Variants in DOCK6 observed in about 807,000 individuals in gnomAD.
DOCK6 encodes the protein dedicator of cytokinesis 6, also known as dedicator of cytokinesis protein 6.
DOCK6 carries 167 observed loss-of-function variants against 230.3 expected under a neutral mutation model. The ratio of observed to expected loss-of-function variants is 0.73; its 90% confidence interval spans 0.64 to 0.82. The LOEUF (loss-of-function observed/expected upper bound fraction) is 0.82. Ranked by LOEUF, DOCK6 falls within the 40% of genes least tolerant of loss-of-function variation. The pLI is 0.00. For synonymous variants in DOCK6, 1,148 were observed against 1,185.0 expected (o/e 0.97, Z 0.64); for missense variants, 2,598 against 2,825.8 (o/e 0.92, Z 1.83).
At chr19:11,199,672 C>T in intron 47 of DOCK6, 133 bp from the exon 48 acceptor site, 1 of 975,392 alleles carries the variant, frequency 1.0e-6, no homozygotes, top group South Asian at 1.4e-5. Context: ...TGTCCCTGAT[C>T]TGGCTGTGGG....
At position 11,243,642 on chromosome 19, in the gene DOCK6, G is replaced by A. The variant is rs1243017735; in HGVS notation, c.1173C>T (p.Arg391=). The change falls in exon 11 of 48, where the codon CGC becomes CGT. Residue 391 remains arginine, a synonymous_variant. Coordinates refer to ENST00000294618, the MANE Select transcript of DOCK6 (RefSeq NM_020812.4). This position sits in a 1 kb window ranked among gnomAD's most constrained non-coding sequence, Gnocchi z 6.3. ...EQFCTRLGRY[R]MPFAWTAVHL... is the part of the protein sequence containing the mutation. ...GCACGGCCGTCCAGGCGAAGGGCAT[G>A]CGGTAGCGGCCCAGGCGGGTGCAGA... The A allele has an allele frequency of 6.2e-7, 1 of 1,612,850 alleles. No homozygotes were observed. The highest frequency in any genetic ancestry group is 1.1e-5 in the South Asian group (1 of 91,002).
At chr19:11,228,203 G>C (rs955849225) in intron 23 of DOCK6, among the ~76,000 whole-genome samples, 1 of 152,012 alleles carries the variant, frequency 6.6e-6, no homozygotes, top group African/African-American at 2.4e-5. Context: ...TAGAGATGGG[G>C]TTTCACCATG....
At chr19:11,229,721 T>G (rs1807543416) in intron 22 of DOCK6, among the ~76,000 whole-genome samples, 1 of 151,628 alleles carries the variant, frequency 6.6e-6, no homozygotes, top group Non-Finnish European at 1.5e-5. Context: ...TGTGTGGGTA[T>G]GGGAGAAGAA....
rs111230002 is a variant in DOCK6, at chr19:11,209,195, C to A, written c.4752-92G>T. On this transcript the variant is annotated intron_variant, in intron 37 of 47. Transcript: ENST00000294618. Reference sequence around the variant, plus strand: ...TGTCCATTCTCTTCACTGGTTACCCCCATGTCCGCCCCAAGGACCAGCCAA... The same window carrying A: ...TGTCCATTCTCTTCACTGGTTACCCACATGTCCGCCCCAAGGACCAGCCAA... The A allele has an allele frequency of 1.6e-4, 234 of 1,442,174 alleles. No individual in the cohort carries two copies. In the African/African-American group the frequency reaches 2.7e-3, roughly 17 times the overall value. The allele number at this position is 1,442,174 out of a possible 1,614,324, so 89.3% of individuals were successfully genotyped here.
At chr19:11,231,964 C>T (rs1462037970) in intron 22 of DOCK6, among the ~76,000 whole-genome samples, 1 of 152,196 alleles carries the variant, frequency 6.6e-6, no homozygotes, top group Non-Finnish European at 1.5e-5. Context: ...CCTGTGCCTT[C>T]TGTCTCCATC....
rs544288036 is a variant in DOCK6 at position 11,201,521 on chromosome 19, T to A, written c.5688+368A>T. 1.3e-5 allele frequency among the ~76,000 whole-genome samples: 2 copies of A among 151,670 alleles called. No homozygotes were observed. Among genetic ancestry groups the A allele is most frequent in the African/African-American group, 4.9e-5 (2 of 41,236 alleles). On this transcript the variant is annotated intron_variant, in intron 44 of 47. Transcript: ENST00000294618. This position sits in a 1 kb window ranked among gnomAD's most constrained non-coding sequence, Gnocchi z 4.3. Reference sequence around the variant, plus strand: ...GGAGGTAGAGGTTTCAGTTTAGAGATTGGAATGCAGGGTCTCCATATCTTC... The same window carrying A: ...GGAGGTAGAGGTTTCAGTTTAGAGAATGGAATGCAGGGTCTCCATATCTTC...
In DOCK6 at chr19:11,243,317, C is replaced by T. The variant is rs1023542321; in HGVS notation, c.1327G>A (p.Ala443Thr). Reference sequence around the variant, plus strand: ...GGACGGAAGCCAGAGAAGCTGCAGGCGTCGTCCCCACTACTCGCCCGGTCC... The same window carrying T: ...GGACGGAAGCCAGAGAAGCTGCAGGTGTCGTCCCCACTACTCGCCCGGTCC... Reference protein sequence around the residue: ...PQDRASSGDDACSFSGFRPAT... With the variant: ...PQDRASSGDDTCSFSGFRPAT... Residue 443 changes from alanine to threonine, a missense_variant, in exon 12 of 48, where the codon GCC (alanine) becomes ACC (threonine). Ala to Thr is a moderately conservative substitution (Grantham distance 58). Transcript: ENST00000294618. The surrounding 1 kb of genome is among the most constrained non-coding windows in gnomAD (Gnocchi z 6.3). The T allele has an allele frequency of 8.1e-6, 13 of 1,600,828 alleles. No individual in the cohort carries two copies. The highest frequency in any genetic ancestry group is 1.7e-4 in the Middle Eastern group (1 of 6,048).
chr19:11,207,718 A>C (rs2079284928), intron 39 of DOCK6, among the ~76,000 whole-genome samples: 1 of 151,874 alleles, frequency 6.6e-6, no homozygotes, highest in Non-Finnish European at 1.5e-5. Context: ...ACTTGAGCTC[A>C]GGAGTTCAAG....
chr19:11,213,055 C>G (rs1312953487), intron 35 of DOCK6, 121 bp downstream of exon 35: 2 of 1,333,000 alleles, frequency 1.5e-6, no homozygotes, highest in Non-Finnish European at 2.0e-6. Context: ...ATTCTGAGCC[C>G]TCCTCCTGCT....
At chr19:11,205,370 A>AT (rs913815037) in intron 39 of DOCK6, among the ~76,000 whole-genome samples, 173 of 146,444 alleles carry the variant, frequency 1.2e-3, no homozygotes, top group Non-Finnish European at 1.4e-3. Context: ...CCACCCGTGT[A>AT]TTTTTTTTTT....
intron 9 of DOCK6, among the ~76,000 whole-genome samples, chr19:11,244,893 C>G (rs1395800831): frequency 6.6e-6 from 1 of 152,200 alleles, no homozygotes; most frequent in African/African-American, 2.4e-5. Flanking sequence ...TGTGCCTGGC[C>G]TTCCCTACAT....
At chr19:11,250,018 T>C (rs982293854) in intron 6 of DOCK6, among the ~76,000 whole-genome samples, 3 of 149,146 alleles carry the variant, frequency 2.0e-5, no homozygotes, top group African/African-American at 7.3e-5. Flanking sequence ...GAAGCTATCT[T>C]TTTTTTTTTT....
chr19:11,221,532 G>T, intron 28 of DOCK6: 1 of 290,092 alleles, frequency 3.4e-6, no homozygotes, highest in Non-Finnish European at 6.5e-6. Context: ...CCTACTTTTT[G>T]CTCTTCTTAG....
Position 11,209,041 on chromosome 19 carries a change from C to T in DOCK6, c.4814G>A (p.Gly1605Glu). The change falls in exon 38 of 48, where the codon GGG becomes GAG. Residue 1605 changes from glycine to glutamate, a missense_variant. Transcript: ENST00000294618. ...LRLTWLQNMAGKHAELGNHAE... is the reference protein window; with the variant it reads ...LRLTWLQNMAEKHAELGNHAE... ...GTGGTTGCCCAGCTCCGCGTGCTTC[C>T]CGGCCATGTTCTGCAACCAGGTCAG... 2 of 1,612,254 alleles carry T rather than the reference C, an allele frequency of 1.2e-6. No individual in the cohort carries two copies. Among genetic ancestry groups the T allele is most frequent in the Non-Finnish European group, 1.7e-6 (2 of 1,179,428 alleles).
At position 11,199,516 on chromosome 19, in the gene DOCK6, A is replaced by G. The variant is rs1439220581; in HGVS notation, c.6125T>C (p.Phe2042Ser). Reference sequence around the variant, plus strand: ...GTGGGCTCAGAGGTCTGCCTTTCGGAAACTTGCTCTGTTCAAGGAGTTCCT... The same window carrying G: ...GTGGGCTCAGAGGTCTGCCTTTCGGGAACTTGCTCTGTTCAAGGAGTTCCT... ...GLRNSLNRAS[F>S]RKADL Residue 2042 changes from phenylalanine to serine, a missense_variant, in exon 48 of 48, where the codon TTC (phenylalanine) becomes TCC (serine). Phe to Ser is a radical substitution (Grantham distance 155). Transcript: ENST00000294618. 6.3e-7 allele frequency: 1 copy of G among 1,584,140 alleles called. No individual in the cohort carries two copies. The highest frequency in any genetic ancestry group is 8.6e-7 in the Non-Finnish European group (1 of 1,165,166).
chr19:11,202,843 G>C lies in DOCK6; in HGVS notation c.5236-134C>G. ...AACATCAGGGCATGGGCACAGGCAG[G>C]GGGCCCTGAGAACATTGGGGCATGG... On this transcript the variant is annotated intron_variant, in intron 41 of 47. Transcript: ENST00000294618. This position sits in a 1 kb window ranked among gnomAD's most constrained non-coding sequence, Gnocchi z 5.3. The C allele has an allele frequency of 1.4e-6, 2 of 1,423,234 alleles. No individual in the cohort carries two copies. Among genetic ancestry groups the C allele is most frequent in the Non-Finnish European group, 1.9e-6 (2 of 1,029,310 alleles). 88.2% of individuals were successfully genotyped at this position (1,423,234 alleles called of 1,614,324 possible).
intron 5 of DOCK6, chr19:11,251,854 G>C (rs569904056): frequency 3.5e-5 from 17 of 490,982 alleles, no homozygotes; most frequent in African/African-American, 3.3e-4. Flanking sequence ...TAAGAACCTT[G>C]CTGTGCCTCA....
In DOCK6 at chr19:11,238,101, C is replaced by T; in HGVS notation, c.1776G>A (p.Lys592=). 6.2e-7 allele frequency: 1 copy of T among 1,613,980 alleles called. No homozygotes were observed. The highest frequency in any genetic ancestry group is 8.5e-7 in the Non-Finnish European group (1 of 1,179,880). Residue 592 remains lysine (K), a synonymous_variant, in exon 16 of 48, where the codon AAG becomes AAA. Coordinates refer to ENST00000294618, the MANE Select transcript of DOCK6 (RefSeq NM_020812.4). ...PSQALPVIFG[K]SSCSEFTREA... ...CGCGGGTAAATTCACTGCAGCTGGA[C>T]TTGCCAAAGATGACCTGGGAGAGTG...
In DOCK6 at chr19:11,238,037, C is replaced by G. The variant is rs369836271; in HGVS notation, c.1832+8G>C. On this transcript the variant is annotated splice_region_variant and intron_variant, in intron 16 of 47. Transcript: ENST00000294618. ...GCCCCCAAGTTCCTCACGTGTCCCC[C>G]TACATACTTGTTATGGTAGACCACC... is the stretch of plus-strand genomic sequence containing the variant. 8.7e-6 allele frequency: 14 copies of G among 1,613,722 alleles called. No individual in the cohort carries two copies. Among genetic ancestry groups the G allele is most frequent in the Non-Finnish European group, 1.2e-5 (14 of 1,179,832 alleles).
Sources: gnomAD v4.1 joint callset for allele counts (sites outside exome capture counted in the v4.1 genomes callset) on GRCh38, gnomAD v4.1.1 for gene constraint, Gnocchi (gnomAD v3.1) non-coding constraint, MANE v1.5 for transcripts, NCBI Gene and HGNC (gene_info 2026-07-23, HGNC 2026-07-21) for gene names.